DEAF1: variants seen among roughly 807,000 people sequenced by gnomAD.
DEAF1 encodes the protein DEAF1 transcription factor.
Under a neutral mutation model 58.9 loss-of-function variants are expected in DEAF1, and 53 were observed. The observed-to-expected ratio is 0.90, with a 90% confidence interval of 0.72 to 1.13. The LOEUF (loss-of-function observed/expected upper bound fraction) is 1.13. Ranked by LOEUF, DEAF1 falls within the 50% of genes most tolerant of loss-of-function variation. The pLI is 0.00. For missense variants in DEAF1, 685 were observed against 791.4 expected (o/e 0.87, Z 1.61); for synonymous variants, 385 against 340.4 (o/e 1.13, Z -1.44).
At chr11:671,088 C>A (rs1378756166) in intron 10 of DEAF1, among the ~76,000 whole-genome samples, 11 of 151,562 alleles carry the variant, frequency 7.3e-5, no homozygotes, top group Admixed American at 3.3e-4. Flanking sequence ...GCCACCACGC[C>A]CGGCTAATTT....
At chr11:699,941 G>A (rs1861368083), upstream of DEAF1, 1 of 561,006 alleles carries the variant, frequency 1.8e-6, no homozygotes, top group Admixed American at 3.1e-5. Context: ...GTCCCACAAA[G>A]GCCTTGTCAG....
intron 2 of DEAF1, among the ~76,000 whole-genome samples, chr11:689,092 C>T (rs527431305): frequency 6.6e-6 from 1 of 152,280 alleles, no homozygotes; most frequent in African/African-American, 2.4e-5. Context: ...AGACCAGAGA[C>T]TTCCAGGGGC....
chr11:686,772 G>T, intron 5 of DEAF1, 86 bp downstream of exon 5: 2 of 1,585,916 alleles, frequency 1.3e-6, no homozygotes, highest in African/African-American at 2.7e-5. Flanking sequence ...TGACCCCGTG[G>T]TCTGTGCCCT....
intron 1 of DEAF1, chr11:703,124 G>T: frequency 1.2e-6 from 2 of 1,609,110 alleles, no homozygotes; most frequent in Non-Finnish European, 1.7e-6. Flanking sequence ...CCTGCAGGTG[G>T]TTGCCATCGC....
chr11:701,620 A>AG (rs1861491315), intron 1 of DEAF1, among the ~76,000 whole-genome samples: 1 of 151,860 alleles, frequency 6.6e-6, no homozygotes, highest in African/African-American at 2.4e-5. Flanking sequence ...CATGTTAGCC[A>AG]GGATGGTTTC....
At chr11:696,810 T>G (rs1590031766), upstream of DEAF1, among the ~76,000 whole-genome samples, 1 of 7,796 alleles carries the variant, frequency 1.3e-4, no homozygotes, top group East Asian at 6.6e-3. Context: ...CCAGGCGCAG[T>G]AGCTCACGCC....
chr11:678,486 G>A, intron 9 of DEAF1: 4 of 662,730 alleles, frequency 6.0e-6, no homozygotes, highest in Non-Finnish European at 5.1e-6. Context: ...AACTTCCACA[G>A]CACACACATG....
intron 11 of DEAF1, among the ~76,000 whole-genome samples, chr11:645,160 C>CAAAAA (rs80108345): frequency 9.9e-6 from 1 of 101,038 alleles, no homozygotes. Context: ...AACTCCATAT[C>CAAAAA]AAAAAAAAAA....
At chr11:706,652 C>T (rs1401600891) in exon 1 of DEAF1, 1 of 152,704 alleles carries the variant, frequency 6.5e-6, no homozygotes, top group Non-Finnish European at 1.5e-5. Context: ...GGTAGGGAGG[C>T]TTCTCCCGGT....
chr11:700,779 TA>T (rs771084441), intron 1 of DEAF1: 152 of 1,375,084 alleles, frequency 1.1e-4, no homozygotes, highest in Non-Finnish European at 1.5e-4. Context: ...CTTTCAAGAG[TA>T]ATTATTTTAT....
chr11:651,871 G>C (rs1858789680), intron 11 of DEAF1, among the ~76,000 whole-genome samples: 1 of 151,870 alleles, frequency 6.6e-6, no homozygotes, highest in Non-Finnish European at 1.5e-5. Flanking sequence ...GGGCGACAGA[G>C]CGAGACTCCG....
chr11:702,963 C>G, intron 1 of DEAF1: 1 of 1,609,466 alleles, frequency 6.2e-7, no homozygotes. Context: ...GGCAACCTGA[C>G]AGAGGCTGAG....
Position 691,653 on chromosome 11 carries a change from G to T in DEAF1, c.290-55C>A, listed in dbSNP as rs1441897383. The T allele has an allele frequency of 3.3e-6, 5 of 1,514,050 alleles. No homozygotes were observed. In the East Asian group the frequency reaches 9.1e-5, roughly 28 times the overall value. 93.8% of individuals were successfully genotyped at this position (1,514,050 alleles called of 1,614,324 possible). A position where few individuals can be genotyped will look rare whatever the true frequency, so the allele number is the denominator to read the frequency against. On this transcript the variant is annotated intron_variant, in intron 1 of 11. Transcript: ENST00000382409. The stretch of plus-strand genomic sequence containing the variant: ...CAACAAAAGCCAGAATGGACAAAGC[G>T]AACAGCCTCGCTCAGGTGCTTCAAA...
upstream of DEAF1, chr11:698,776 T>C: frequency 1.4e-6 from 2 of 1,451,130 alleles, no homozygotes; most frequent in Non-Finnish European, 1.9e-6. Flanking sequence ...CAAAGGAAAA[T>C]AAAGCAGGGG....
rs201251172 is a variant in DEAF1 at position 674,582 on chromosome 11, G to C, written c.1457C>G (p.Ala486Gly). Residue 486 changes from alanine to glycine, a missense_variant, in exon 10 of 12, where the codon GCT (alanine) becomes GGT (glycine). This residue lies in a region of DEAF1 where 343 missense variants were observed against 379.8 expected (regional missense o/e 0.90). Coordinates refer to ENST00000382409, the MANE Select transcript of DEAF1 (RefSeq NM_021008.4). Reference protein sequence around the residue: ...QAKHASTYREAATNQAKIHAD... With the variant: ...QAKHASTYREGATNQAKIHAD... ...GTGGATCTTGGCCTGGTTTGTGGCA[G>C]CTTCTCGGTAGGTGCTGGCATGCTT... The C allele has an allele frequency of 6.2e-6, 10 of 1,614,060 alleles. No individual in the cohort carries two copies. The Admixed American group carries it at 1.7e-4, about 27-fold the overall frequency.
At chr11:689,893 G>C (rs936183883) in intron 2 of DEAF1, 1 of 152,076 alleles carries the variant, frequency 6.6e-6, no homozygotes, top group African/African-American at 2.4e-5. Flanking sequence ...GCACCCACAG[G>C]TGCCTTGGGC....
chr11:696,116 C>T (rs981198806), upstream of DEAF1, among the ~76,000 whole-genome samples: 2 of 152,140 alleles, frequency 1.3e-5, no homozygotes, highest in African/African-American at 4.8e-5. Context: ...CAGTCCCCGG[C>T]AGCTCTTGTC....
At position 669,927 on chromosome 11, in the gene DEAF1, C is replaced by CAA. The variant is rs59541099; in HGVS notation, c.1503+4607_1503+4608dup. Among the ~76,000 whole-genome samples the CAA allele has an allele frequency of 6.2e-4, 54 of 86,814 alleles. 1 individual carries two copies. The highest frequency in any genetic ancestry group is 1.8e-3 in the Admixed American group (13 of 7,424). 57.0% of individuals were successfully genotyped at this position (86,814 alleles called of 152,430 possible). On this transcript the variant is annotated intron_variant, in intron 10 of 11. Coordinates refer to ENST00000382409, the MANE Select transcript of DEAF1 (RefSeq NM_021008.4). ...CCTGGGTGACAGTGTGAGACTGTCT[C>CAA]AAAAAAAAAAAAAAAAAAAAAAAAA...
chr11:701,098 A>C, intron 1 of DEAF1: 1 of 237,716 alleles, frequency 4.2e-6, no homozygotes. Context: ...GCCAGGTCCC[A>C]AAAGGCAGCA....
Sources: gnomAD v4.1 joint callset for allele counts (sites outside exome capture counted in the v4.1 genomes callset) on GRCh38, gnomAD v4.1.1 for gene constraint, gnomAD v4.1.1 regional missense constraint, MANE v1.5 for transcripts, NCBI Gene and HGNC (gene_info 2026-07-23, HGNC 2026-07-21) for gene names.